Variants in GSDMC observed in about 807,000 individuals in gnomAD.
GSDMC encodes the protein gasdermin-C.
A neutral mutation model predicts 58.0 loss-of-function variants in GSDMC; 59 were observed. The ratio of observed to expected loss-of-function variants is 1.02; its 90% CI spans 0.82 to 1.26. The LOEUF is 1.26. Ranked by LOEUF, GSDMC falls within the 50% of genes most tolerant of loss-of-function variation. GSDMC has a pLI of 0.00. For synonymous variants in GSDMC, 241 were observed against 220.2 expected (o/e 1.09, Z -0.83); for missense variants, 659 against 598.5 (o/e 1.10, Z -1.06).
At chr8:129,772,065 C>A (rs1185617237) in intron 3 of GSDMC, among the ~76,000 whole-genome samples, 1 of 152,038 alleles carries the variant, frequency 6.6e-6, no homozygotes, top group Non-Finnish European at 1.5e-5. Flanking sequence ...GAGATCGAGA[C>A]CATCCTGGCT....
At chr8:129,739,061 A>G in the GSDMC span, among the ~76,000 whole-genome samples, 1 of 152,020 alleles carries the variant, frequency 6.6e-6, no homozygotes, top group African/African-American at 2.4e-5. Context: ...TTTTTATTAT[A>G]CTTTAAGTTC....
At chr8:129,736,084 C>T in the GSDMC span, among the ~76,000 whole-genome samples, 1 of 152,106 alleles carries the variant, frequency 6.6e-6, no homozygotes, top group African/African-American at 2.4e-5. Context: ...TGGACACACA[C>T]ATGCTCCGGA....
At chr8:129,712,104 CTTAA>C in the GSDMC span, among the ~76,000 whole-genome samples, 1 of 152,150 alleles carries the variant, frequency 6.6e-6, no homozygotes, top group Non-Finnish European at 1.5e-5. Context: ...AAATAAACAT[CTTAA>C]TTAATTAAGA....
the GSDMC span, among the ~76,000 whole-genome samples, chr8:129,731,979 C>T: frequency 6.6e-6 from 1 of 152,142 alleles, no homozygotes; most frequent in Admixed American, 6.5e-5. Context: ...TGACAAAGAA[C>T]GTGGTGCTGT....
At position 129,761,759 on chromosome 8, in the gene GSDMC, G is replaced by T. The variant is rs541827097; in HGVS notation, c.676+867C>A. On this transcript the variant is annotated intron_variant, in intron 5 of 13. Transcript: ENST00000276708. ...CACCCCTTCTCCTCATTAGAGAGCTGCTTTGGATATGGTCAGTCTTTCCAG... is the reference window on the plus strand; with the variant it reads ...CACCCCTTCTCCTCATTAGAGAGCTTCTTTGGATATGGTCAGTCTTTCCAG... Among the ~76,000 whole-genome samples, 89 of 152,256 alleles carry T rather than the reference G, an allele frequency of 5.8e-4. No homozygotes were observed. The South Asian group carries it at 0.018, about 30-fold the overall frequency.
chr8:129,760,309 G>C (rs1316056706), intron 6 of GSDMC, among the ~76,000 whole-genome samples: 1 of 152,050 alleles, frequency 6.6e-6, no homozygotes, highest in African/African-American at 2.4e-5. Context: ...TAGCACAACA[G>C]GGTGACTACA....
chr8:129,728,926 G>T, the GSDMC span: 1 of 665,118 alleles, frequency 1.5e-6, no homozygotes, highest in East Asian at 2.9e-5. Flanking sequence ...TTGAAGGTCA[G>T]GAGGCCCGAG....
chr8:129,751,862 C>G lies in GSDMC; in HGVS notation c.916G>C (p.Gly306Arg). The G allele has an allele frequency of 6.2e-7, 1 of 1,612,688 alleles. No homozygotes were observed. Reference protein sequence around the residue: ...KYEQVHILPVGRIEEPFWQNF... With the variant: ...KYEQVHILPVRRIEEPFWQNF... ...CCACCTCCAGCAAACTCACACTCAC[C>G]TACTGGGAGGATGTGAACTTGTTCG... The change falls in exon 9 of 14, where the codon GGA (glycine) becomes CGA (arginine). Residue 306 changes from glycine (G) to arginine (R), a missense_variant and splice_region_variant. Coordinates refer to ENST00000276708, the MANE Select transcript of GSDMC (RefSeq NM_031415.3).
the GSDMC span, among the ~76,000 whole-genome samples, chr8:129,714,991 G>T: frequency 6.6e-6 from 1 of 152,136 alleles, no homozygotes; most frequent in African/African-American, 2.4e-5. Flanking sequence ...AATACCAAGG[G>T]TAAGGTTAAA....
chr8:129,722,594 T>C, the GSDMC span, among the ~76,000 whole-genome samples: 45 of 152,296 alleles, frequency 3.0e-4, no homozygotes, highest in Non-Finnish European at 4.7e-4. Context: ...TGAGCCCCAC[T>C]AGAATGCAAT....
chr8:129,706,858 A>G, the GSDMC span, among the ~76,000 whole-genome samples: 49 of 152,346 alleles, frequency 3.2e-4, no homozygotes, highest in Admixed American at 7.8e-4. Flanking sequence ...CTATTTCCAT[A>G]GTATTCAGCT....
chr8:129,750,185 T>G, intron 11 of GSDMC, 66 bp from the exon 12 acceptor site: 1 of 1,294,944 alleles, frequency 7.7e-7, no homozygotes, highest in South Asian at 1.6e-5. Flanking sequence ...AATTTGCCTG[T>G]GTCTACTGGT....
At chr8:129,732,297 A>C in the GSDMC span, among the ~76,000 whole-genome samples, 1 of 152,040 alleles carries the variant, frequency 6.6e-6, no homozygotes, top group South Asian at 2.1e-4. Context: ...ATTAAAAAAA[A>C]AAAAAACTTG....
At position 129,750,512 on chromosome 8, in the gene GSDMC, T is replaced by C; in HGVS notation, c.1002A>G (p.Ser334=). 1.2e-6 allele frequency: 2 copies of C among 1,613,902 alleles called. No individual in the cohort carries two copies. Among genetic ancestry groups the C allele is most frequent in the Non-Finnish European group, 1.7e-6 (2 of 1,179,736 alleles). Residue 334 remains serine (S), a synonymous_variant, in exon 11 of 14, where the codon TCA becomes TCG. Transcript: ENST00000276708. ...AGAACATGACATCCTGAACATCCTT[T>C]GAGAGCTGAGCCAGTGTCTTTATTT... ...FQKIKTLAQL[S]KDVQDVMFYS...
the GSDMC span, among the ~76,000 whole-genome samples, chr8:129,718,200 T>C: frequency 0.24 from 35,885 of 152,094 alleles, 4,642 homozygotes; most frequent in Non-Finnish European, 0.29. Context: ...AAAGAGCTTT[T>C]GCACAGCAAA....
chr8:129,750,985 A>T (rs1242992732), intron 10 of GSDMC, among the ~76,000 whole-genome samples: 1 of 152,174 alleles, frequency 6.6e-6, no homozygotes, highest in African/African-American at 2.4e-5. Flanking sequence ...AAAAGAGTTT[A>T]TGTAGGCCAA....
At chr8:129,785,979 C>G (rs557168604) in intron 1 of GSDMC, 32 bp downstream of exon 1, 1 of 152,216 alleles carries the variant, frequency 6.6e-6, no homozygotes, top group African/African-American at 2.4e-5. Flanking sequence ...GTAATCTTTT[C>G]TTTTTCATCC....
chr8:129,706,733 T>C, the GSDMC span: 1 of 152,290 alleles, frequency 6.6e-6, no homozygotes, highest in East Asian at 1.9e-4. Context: ...AGGAAAAATA[T>C]CAGTTAAAAC....
At chr8:129,719,322 A>T in the GSDMC span, among the ~76,000 whole-genome samples, 2 of 152,346 alleles carry the variant, frequency 1.3e-5, no homozygotes, top group South Asian at 2.1e-4. Flanking sequence ...TCAAGCAAAC[A>T]TAACAATTCT....
Sources: allele counts gnomAD v4.1 joint callset (sites outside exome capture counted in the v4.1 genomes callset), GRCh38; gene constraint gnomAD v4.1.1; transcripts MANE v1.5; gene names NCBI Gene and HGNC (gene_info 2026-07-23, HGNC 2026-07-21).